The following OPA1 variants were observed in gnomAD, a reference collection of about 807,000 sequenced individuals.
The protein encoded by OPA1 is dynamin-like GTPase OPA1, mitochondrial.
A neutral mutation model predicts 152.9 loss-of-function variants in OPA1; 59 were observed. The observed-to-expected ratio is 0.39, with a 90% CI of 0.31 to 0.48. The LOEUF is 0.48. Among genes scored for constraint, OPA1 ranks in the 20% least tolerant of loss-of-function variants. OPA1 has a pLI of 0.96. For missense variants in OPA1, 1,008 were observed against 1,216.8 expected (o/e 0.83, Z 2.55); for synonymous variants, 400 against 389.9 (o/e 1.03, Z -0.31).
At chr3:193,694,482 A>G (rs906525305) in intron 30 of OPA1, 124 bp from the exon 31 acceptor site, 9 of 152,234 alleles carry the variant, frequency 5.9e-5, no homozygotes, top group African/African-American at 1.9e-4. Flanking sequence ...TAAGTTTAGT[A>G]AAACTAGCAA....
intron 21 of OPA1, among the ~76,000 whole-genome samples, chr3:193,653,227 A>G (rs1038873768): frequency 6.6e-6 from 1 of 152,068 alleles, no homozygotes; most frequent in Non-Finnish European, 1.5e-5. Context: ...TGATTTCTTT[A>G]CTGGTTGTAA....
chr3:193,626,234 A>AT, intron 7 of OPA1, 32 bp downstream of exon 7: 1 of 1,451,968 alleles, frequency 6.9e-7, no homozygotes, highest in Non-Finnish European at 9.7e-7. Flanking sequence ...CTACCGATAC[A>AT]TTCACACTAA....
intron 11 of OPA1, among the ~76,000 whole-genome samples, chr3:193,639,332 A>C (rs1335944819): frequency 6.6e-6 from 1 of 152,250 alleles, no homozygotes; most frequent in Non-Finnish European, 1.5e-5. Context: ...AGAAGGCAAT[A>C]GTGTTGTACA....
chr3:193,658,838 A>G (rs1714544980), intron 23 of OPA1, 49 bp from the exon 24 acceptor site: 1 of 1,257,428 alleles, frequency 8.0e-7, no homozygotes, highest in Non-Finnish European at 1.2e-6. Flanking sequence ...AACTACTAAA[A>G]TGATGAGATG....
intron 16 of OPA1, 34 bp downstream of exon 16, chr3:193,644,139 C>A: frequency 6.2e-7 from 1 of 1,610,278 alleles, no homozygotes; most frequent in South Asian, 1.1e-5. Flanking sequence ...AGAATAGATT[C>A]TTTGTAAAAG....
chr3:193,664,846 C>T (rs1347425542), intron 26 of OPA1, 34 bp from the exon 27 acceptor site: 27 of 1,108,674 alleles, frequency 2.4e-5, no homozygotes, highest in Non-Finnish European at 3.6e-5. Flanking sequence ...GAAGAATATA[C>T]AGTAACTCTG....
At chr3:193,687,351 A>G (rs112218028) in intron 29 of OPA1, among the ~76,000 whole-genome samples, 4 of 152,232 alleles carry the variant, frequency 2.6e-5, no homozygotes, top group African/African-American at 9.6e-5. Context: ...GGATAAATGG[A>G]AAGTAGACTC....
chr3:193,647,908 C>T lies in OPA1; in HGVS notation c.1871-162C>T, dbSNP rs114284029. On this transcript the variant is annotated intron_variant, in intron 19 of 30. Transcript: ENST00000361510. ...GGGAGAATAGTTTTGAAAGCTATTG[C>T]AAAAATGAAATTCTGAGACGTTGAG... Among the ~76,000 whole-genome samples the T allele has an allele frequency of 2.4e-3, 368 of 152,238 alleles. 4 individuals carry two copies. The highest frequency in any genetic ancestry group is 8.6e-3 in the African/African-American group (357 of 41,538).
chr3:193,685,340 G>A (rs1436944625), intron 29 of OPA1, among the ~76,000 whole-genome samples: 3 of 151,834 alleles, frequency 2.0e-5, no homozygotes, highest in Non-Finnish European at 4.4e-5. Context: ...AAATTGCTGT[G>A]GAGTTTTTTA....
chr3:193,693,049 C>T (rs1178491195), intron 30 of OPA1, among the ~76,000 whole-genome samples: 1 of 152,226 alleles, frequency 6.6e-6, no homozygotes, highest in Non-Finnish European at 1.5e-5. Context: ...TATTTTGTCA[C>T]TTTTGTCTGT....
At chr3:193,615,274 A>G (rs1183036309) in intron 2 of OPA1, among the ~76,000 whole-genome samples, 2 of 152,314 alleles carry the variant, frequency 1.3e-5, no homozygotes, top group African/African-American at 4.8e-5. Context: ...TGGGAATAGG[A>G]ACACCTAGGT....
rs863224128 is a variant in OPA1 at position 193,635,426 on chromosome 3, T to C, written c.852T>C (p.Tyr284=). ...TTATTATTTTATTGCAGTTGAAGTA[T>C]CAGAGAATCTTGGAACGATTAGAAA... ...QEELLHTQLK[Y]QRILERLEKE... The change falls in exon 9 of 31, where the codon TAT becomes TAC. Residue 284 remains tyrosine (Y), a synonymous_variant. Coordinates refer to ENST00000361510, the MANE Select transcript of OPA1 (RefSeq NM_130837.3). 1.3e-6 allele frequency: 2 copies of C among 1,585,840 alleles called. No individual in the cohort carries two copies. Among genetic ancestry groups the C allele is most frequent in the Non-Finnish European group, 1.7e-6 (2 of 1,154,644 alleles).
At chr3:193,616,836 T>G (rs1729091105) in intron 3 of OPA1, among the ~76,000 whole-genome samples, 2 of 152,240 alleles carry the variant, frequency 1.3e-5, no homozygotes, top group African/African-American at 4.8e-5. Context: ...TTTATAAAGA[T>G]AAAACTGTTC....
intron 29 of OPA1, among the ~76,000 whole-genome samples, chr3:193,686,234 C>T (rs891893414): frequency 2.6e-5 from 4 of 152,122 alleles, no homozygotes; most frequent in African/African-American, 9.7e-5. Context: ...ATGAAGTTTT[C>T]CATTTGAGTT....
chr3:193,620,408 G>A (rs1729842082), intron 6 of OPA1, among the ~76,000 whole-genome samples: 1 of 152,120 alleles, frequency 6.6e-6, no homozygotes, highest in Non-Finnish European at 1.5e-5. Context: ...CTCTGCAATA[G>A]AAAAGAAGCC....
intron 6 of OPA1, among the ~76,000 whole-genome samples, chr3:193,623,382 G>T (rs1730506429): frequency 1.3e-5 from 2 of 152,062 alleles, no homozygotes; most frequent in Non-Finnish European, 2.9e-5. Flanking sequence ...TTTTAGGTTA[G>T]CACAGTATTT....
chr3:193,674,566 A>G (rs1052192175), intron 29 of OPA1, among the ~76,000 whole-genome samples: 1 of 152,244 alleles, frequency 6.6e-6, no homozygotes, highest in Non-Finnish European at 1.5e-5. Context: ...GTTCTAATTT[A>G]TAGGATAGTT....
chr3:193,640,471 T>C (rs763204464), intron 11 of OPA1, among the ~76,000 whole-genome samples: 4 of 152,224 alleles, frequency 2.6e-5, no homozygotes, highest in Admixed American at 6.5e-5. Flanking sequence ...AGTTCACCAG[T>C]GGAGGCAAGA....
chr3:193,609,706 G>T (rs1727885592), intron 1 of OPA1, among the ~76,000 whole-genome samples: 1 of 152,088 alleles, frequency 6.6e-6, no homozygotes, highest in Non-Finnish European at 1.5e-5. Context: ...TTTTCACATA[G>T]TCCCATATTT....
Sources: allele counts gnomAD v4.1 joint callset (sites outside exome capture counted in the v4.1 genomes callset), GRCh38; gene constraint gnomAD v4.1.1; transcripts MANE v1.5; gene names NCBI Gene and HGNC (gene_info 2026-07-23, HGNC 2026-07-21).